The following ATAD2B variants were observed in gnomAD, a reference collection of about 807,000 sequenced individuals.
ATAD2B encodes the protein ATPase family AAA domain-containing protein 2B.
ATAD2B carries 40 observed loss-of-function variants against 167.6 expected under a neutral mutation model. The ratio of observed to expected loss-of-function variants is 0.24; its 90% CI spans 0.19 to 0.31. The LOEUF is 0.31. ATAD2B is among the 10% of genes least tolerant of loss of function. The probability of loss-of-function intolerance (pLI) is 1.00; values close to 1 mark genes in which losing one functional copy is unlikely to be tolerated. For missense variants in ATAD2B, 1,242 were observed against 1,757.2 expected (o/e 0.71, Z 5.24); for synonymous variants, 579 against 596.5 (o/e 0.97, Z 0.43).
At chr2:23,872,109 C>A (rs1413154117) in intron 8 of ATAD2B, among the ~76,000 whole-genome samples, 1 of 152,124 alleles carries the variant, frequency 6.6e-6, no homozygotes, top group Non-Finnish European at 1.5e-5. Flanking sequence ...AACTCCTGAC[C>A]TCATGATTCG....
chr2:23,745,422 A>AAGAAAGGAAAGGGAAGGG (rs1491261605), downstream of ATAD2B, among the ~76,000 whole-genome samples: 28 of 85,064 alleles, frequency 3.3e-4, no homozygotes, highest in Non-Finnish European at 5.5e-4. Context: ...GGAAGGAAGG[A>AAGAAAGGAAAGGGAAGGG]AAGGGAAGGG....
In ATAD2B at chr2:23,823,517, T is replaced by C. The variant is rs1687786020; in HGVS notation, c.1872A>G (p.Ala624=). The change falls in exon 16 of 28, where the codon GCA becomes GCG. Residue 624 remains alanine, a synonymous_variant. Coordinates refer to ENST00000238789, the MANE Select transcript of ATAD2B (RefSeq NM_017552.4). ...KALCTEAALI[A]LRRRYPQIYA... ...AGATCTGGGGATAACGCCTCCGCAG[T>C]GCAATCAGGGCGGCTTCAGTGCACA... The C allele has an allele frequency of 6.2e-7, 1 of 1,613,586 alleles. No individual in the cohort carries two copies. The highest frequency in any genetic ancestry group is 8.5e-7 in the Non-Finnish European group (1 of 1,179,882).
chr2:23,741,499 T>C, the ATAD2B span, among the ~76,000 whole-genome samples: 1 of 152,064 alleles, frequency 6.6e-6, no homozygotes, highest in African/African-American at 2.4e-5. Flanking sequence ...TGGCTAGCCA[T>C]ATGTAGAAAG....
the ATAD2B span, among the ~76,000 whole-genome samples, chr2:23,694,551 CTG>C: frequency 6.6e-6 from 1 of 152,228 alleles, no homozygotes; most frequent in Non-Finnish European, 1.5e-5. Context: ...ACAGGGGAAA[CTG>C]TGCAGTCCTT....
intron 19 of ATAD2B, 52 bp downstream of exon 19, chr2:23,798,086 A>G: frequency 2.5e-6 from 3 of 1,184,758 alleles, no homozygotes; most frequent in Non-Finnish European, 3.4e-6. Context: ...TACAGAGTCA[A>G]CTATTTTAGA....
the ATAD2B span, among the ~76,000 whole-genome samples, chr2:23,729,681 GA>G: frequency 6.6e-6 from 1 of 152,026 alleles, no homozygotes; most frequent in African/African-American, 2.4e-5. Flanking sequence ...TGAAAGTCTA[GA>G]GGGGGAAAAA....
At chr2:23,700,964 C>A in the ATAD2B span, among the ~76,000 whole-genome samples, 3 of 152,340 alleles carry the variant, frequency 2.0e-5, no homozygotes, top group Admixed American at 1.3e-4. The surrounding 1 kb of genome is among the most constrained non-coding windows in gnomAD (Gnocchi z 4.6). Context: ...CCCCAGCACA[C>A]TCCTGAGCTT....
Position 23,751,875 on chromosome 2 carries a change from GT to G in ATAD2B, c.*170del. 1.7e-6 allele frequency: 1 copy of G among 605,448 alleles called. No individual in the cohort carries two copies. The highest frequency in any genetic ancestry group is 2.9e-6 in the Non-Finnish European group (1 of 341,018). The allele number at this position is 605,448 out of a possible 1,614,324, so 37.5% of individuals were successfully genotyped here. A position where few individuals can be genotyped will look rare whatever the true frequency, so the allele number is the denominator to read the frequency against. On this transcript the variant is annotated 3_prime_UTR_variant, in exon 28 of 28. Coordinates refer to ENST00000238789, the MANE Select transcript of ATAD2B (RefSeq NM_017552.4). ...CTGTTTGGTTCTTGTAGGCTGGTTG[GT>G]TTCAGGTACCTGAGACAATAGCACC...
intron 13 of ATAD2B, among the ~76,000 whole-genome samples, chr2:23,849,470 TCATTATAGCTGGA>T (rs546957287): frequency 2.9e-4 from 44 of 152,302 alleles, no homozygotes; most frequent in Admixed American, 6.5e-4. Flanking sequence ...GACAAAGAAT[TCATTATAGCTGGA>T]CATTTTAACA....
At chr2:23,828,082 T>A (rs544777573) in intron 15 of ATAD2B, among the ~76,000 whole-genome samples, 18 of 152,162 alleles carry the variant, frequency 1.2e-4, no homozygotes, top group African/African-American at 3.4e-4. Context: ...GTTTTTTTTT[T>A]TTTATTTATA....
At chr2:23,730,388 C>T in the ATAD2B span, among the ~76,000 whole-genome samples, 6 of 151,790 alleles carry the variant, frequency 4.0e-5, no homozygotes, top group Non-Finnish European at 5.9e-5. Flanking sequence ...CATGTCAGGC[C>T]GGGCACAGTG....
At chr2:23,847,922 G>A (rs993070543) in intron 13 of ATAD2B, among the ~76,000 whole-genome samples, 22 of 150,918 alleles carry the variant, frequency 1.5e-4, no homozygotes, top group Admixed American at 8.6e-4. Context: ...GAACCCAGGA[G>A]GCGGAGGTTG....
intron 17 of ATAD2B, among the ~76,000 whole-genome samples, chr2:23,815,445 A>C (rs1686297055): frequency 6.6e-6 from 1 of 152,224 alleles, no homozygotes; most frequent in Non-Finnish European, 1.5e-5. Flanking sequence ...CATAGGAGTC[A>C]CAGGAAGAGA....
At chr2:23,760,699 TACACACAC>T (rs1238984150) in intron 24 of ATAD2B, among the ~76,000 whole-genome samples, 13 of 123,636 alleles carry the variant, frequency 1.1e-4, no homozygotes, top group South Asian at 2.7e-4. Context: ...TTTATATATA[TACACACAC>T]ACACACACAC....
chr2:23,847,857 GTGGCACGCAGCTGTAGCCCCAGCT>G (rs1691924163), intron 13 of ATAD2B, among the ~76,000 whole-genome samples: 1 of 150,306 alleles, frequency 6.7e-6, no homozygotes, highest in South Asian at 2.1e-4. Context: ...GCCAGGCGTG[GTGGCACGCAGCTGTAGCCCCAGCT>G]ACTCGGGAGG....
chr2:23,747,949 T>C (rs1023433344), downstream of ATAD2B, among the ~76,000 whole-genome samples: 3 of 152,130 alleles, frequency 2.0e-5, no homozygotes, highest in East Asian at 1.9e-4. Flanking sequence ...AAAAACTTGA[T>C]TGAGCCTCAA....
At chr2:23,918,422 T>A (rs1238781897) in intron 1 of ATAD2B, among the ~76,000 whole-genome samples, 2 of 151,710 alleles carry the variant, frequency 1.3e-5, no homozygotes, top group East Asian at 3.9e-4. Flanking sequence ...ACAAAAAAAA[T>A]TTAAAAATAA....
intron 22 of ATAD2B, among the ~76,000 whole-genome samples, chr2:23,766,201 A>G (rs551368128): frequency 6.6e-6 from 1 of 152,206 alleles, no homozygotes. Flanking sequence ...AAGCATAAAC[A>G]TGGTTCCAGG....
chr2:23,733,085 A>G, the ATAD2B span, among the ~76,000 whole-genome samples: 1 of 152,216 alleles, frequency 6.6e-6, no homozygotes, highest in African/African-American at 2.4e-5. Context: ...AGTCGCTATC[A>G]TTATTCTCAC....
Sources: allele counts gnomAD v4.1 joint callset (sites outside exome capture counted in the v4.1 genomes callset), GRCh38; gene constraint gnomAD v4.1.1; non-coding constraint Gnocchi (gnomAD v3.1); transcripts MANE v1.5; gene names NCBI Gene and HGNC (gene_info 2026-07-23, HGNC 2026-07-21).